The following GPM6B variants were observed in gnomAD, a reference collection of about 807,000 sequenced individuals.
The protein encoded by GPM6B is glycoprotein M6B, also known as neuronal membrane glycoprotein M6-b.
GPM6B carries 4 observed loss-of-function variants against 27.2 expected under a neutral mutation model. The ratio of observed to expected loss-of-function variants is 0.15; its 90% CI spans 0.07 to 0.34. The LOEUF (loss-of-function observed/expected upper bound fraction) is 0.34. Ranked by LOEUF, GPM6B falls within the 10% of genes least tolerant of loss-of-function variation. The pLI, the probability that GPM6B is intolerant of heterozygous loss-of-function variation, is 1.00. For missense variants in GPM6B, 183 were observed against 261.9 expected (o/e 0.70, Z 2.08); for synonymous variants, 124 against 103.1 (o/e 1.20, Z -1.23).
chrX:13,837,497 C>A (rs746381308), intron 1 of GPM6B, among the ~76,000 whole-genome samples: 15 of 111,497 alleles, frequency 1.3e-4, no homozygotes, highest in Admixed American at 3.8e-4. Context: ...TCACGGGTGA[C>A]TGGAGGTGCC....
At chrX:13,896,948 T>C (rs912104362) in intron 1 of GPM6B, among the ~76,000 whole-genome samples, 1 of 108,927 alleles carries the variant, frequency 9.2e-6, no homozygotes. Context: ...TTTTAAAAAT[T>C]AAATAAGAGA....
intron 1 of GPM6B, among the ~76,000 whole-genome samples, chrX:13,843,616 T>C (rs184027871): frequency 4.4e-5 from 5 of 112,627 alleles, no homozygotes; most frequent in African/African-American, 1.6e-4. Flanking sequence ...ATTTACTGTC[T>C]TTTGATTTCA....
At position 13,855,122 on chromosome X, in the gene GPM6B, G is replaced by A. The variant is rs190747328; in HGVS notation, c.-197-69314C>T. On this transcript the variant is annotated intron_variant, in intron 1 of 6. Coordinates refer to the GPM6B transcript ENST00000398361. ...CAACCTCCACCTCCCAGGTTCAAGC[G>A]ATTCTCCTGCCTCAGCCTCCCAAGC... 6.2e-3 allele frequency among the ~76,000 whole-genome samples: 675 copies of A among 109,680 alleles called. 4 individuals are homozygous for A. The highest frequency in any genetic ancestry group is 0.021 in the African/African-American group (635 of 30,100).
chrX:13,931,473 G>C, intron 1 of GPM6B, among the ~76,000 whole-genome samples: 1 of 108,538 alleles, frequency 9.2e-6, no homozygotes, highest in Non-Finnish European at 1.9e-5. Context: ...GGGCTACAGA[G>C]TGAGACTCCT....
At chrX:13,926,783 C>T (rs929070157) in intron 1 of GPM6B, among the ~76,000 whole-genome samples, 1 of 111,840 alleles carries the variant, frequency 8.9e-6, no homozygotes, top group Admixed American at 9.5e-5. Context: ...AAGTGAAAAG[C>T]GTGATTTTAG....
At chrX:13,798,121 T>C (rs1410337969) in intron 2 of GPM6B, among the ~76,000 whole-genome samples, 1 of 110,892 alleles carries the variant, frequency 9.0e-6, no homozygotes, top group African/African-American at 3.3e-5. Flanking sequence ...TGCATATCAA[T>C]TACACCACAA....
intron 1 of GPM6B, among the ~76,000 whole-genome samples, chrX:13,916,583 G>A (rs1029860989): frequency 9.9e-5 from 11 of 110,623 alleles, no homozygotes; most frequent in Non-Finnish European, 1.5e-4. Flanking sequence ...AGGCACCCAC[G>A]CCAAGCTATT....
chrX:13,938,440 G>A, upstream of GPM6B: 1 of 672,965 alleles, frequency 1.5e-6, no homozygotes, highest in Non-Finnish European at 1.9e-6. Flanking sequence ...ACCCTCGGAA[G>A]GGCGCGCCCT....
At chrX:13,785,545 C>G (rs1472199413) in intron 3 of GPM6B, 77 bp downstream of exon 3, 2 of 1,009,596 alleles carry the variant, frequency 2.0e-6, no homozygotes, top group Non-Finnish European at 2.8e-6. Flanking sequence ...GCCTCAGCCT[C>G]CCAAATTGCT....
At chrX:13,855,364 T>C (rs1453122543) in intron 1 of GPM6B, among the ~76,000 whole-genome samples, 2 of 112,232 alleles carry the variant, frequency 1.8e-5, no homozygotes, top group Non-Finnish European at 3.8e-5. Flanking sequence ...TTTCGACTTT[T>C]ATATAGATAG....
intron 1 of GPM6B, among the ~76,000 whole-genome samples, chrX:13,914,394 G>A (rs939838180): frequency 2.7e-5 from 3 of 112,134 alleles, no homozygotes; most frequent in Non-Finnish European, 5.6e-5. Context: ...ACCAAGTTCC[G>A]GCTACTGGGA....
intron 1 of GPM6B, among the ~76,000 whole-genome samples, chrX:13,837,652 T>A (rs778575960): frequency 1.0e-5 from 1 of 95,513 alleles, no homozygotes; most frequent in Admixed American, 1.2e-4. Flanking sequence ...CAAATTAGCA[T>A]ATTCCCCCCC....
chrX:13,889,029 G>A (rs1349077572), intron 1 of GPM6B: 1 of 111,380 alleles, frequency 9.0e-6, no homozygotes, highest in Admixed American at 9.5e-5. Flanking sequence ...GTTACACGGT[G>A]GTTTTCCGTC....
At chrX:13,899,064 G>A (rs929292373) in intron 1 of GPM6B, among the ~76,000 whole-genome samples, 2 of 111,501 alleles carry the variant, frequency 1.8e-5, no homozygotes, top group Admixed American at 1.9e-4. Flanking sequence ...TGCATATAAA[G>A]CACAAATATA....
chrX:13,803,735 C>CT (rs1262339504), intron 2 of GPM6B, among the ~76,000 whole-genome samples: 8 of 111,897 alleles, frequency 7.1e-5, no homozygotes, highest in Non-Finnish European at 1.1e-4. Flanking sequence ...CCATCAACTA[C>CT]TTTCTCCTCT....
At chrX:13,859,704 A>G (rs2049821403) in intron 1 of GPM6B, among the ~76,000 whole-genome samples, 1 of 111,701 alleles carries the variant, frequency 9.0e-6, no homozygotes, top group South Asian at 3.8e-4. Flanking sequence ...TTATACAGCT[A>G]GGAAGTGGAG....
intron 2 of GPM6B, among the ~76,000 whole-genome samples, chrX:13,796,891 T>G (rs1338271940): frequency 8.9e-6 from 1 of 112,266 alleles, no homozygotes; most frequent in African/African-American, 3.2e-5. Context: ...GTCTCTTCCT[T>G]TGCCTTTTGT....
In GPM6B at chrX:13,771,251, G is replaced by A. The variant is rs760832328; in HGVS notation, c.*1630C>T. On this transcript the variant is annotated 3_prime_UTR_variant, in exon 8 of 8. Transcript: ENST00000316715. The stretch of plus-strand genomic sequence containing the variant: ...AAAGTAAAATTAGGCTTTAGACACT[G>A]CCTCTTCTAGAACACTGGACTCTGA... 4 of 111,670 alleles carry A rather than the reference G, an allele frequency of 3.6e-5. No homozygotes were observed. In the South Asian group the frequency reaches 1.5e-3, roughly 42 times the overall value. 9.2% of individuals were successfully genotyped at this position (111,670 alleles called of 1,213,427 possible).
At chrX:13,938,630 GGCTGC>G (rs1034420516), upstream of GPM6B, 3 of 338,982 alleles carry the variant, frequency 8.9e-6, no homozygotes, top group Non-Finnish European at 9.5e-6. Flanking sequence ...GGCTTCTGCG[GGCTGC>G]GCTGCGCTGC....
Sources: gnomAD v4.1 joint callset for allele counts (sites outside exome capture counted in the v4.1 genomes callset) on GRCh38, gnomAD v4.1.1 for gene constraint, MANE v1.5 for transcripts, NCBI Gene and HGNC (gene_info 2026-07-23, HGNC 2026-07-21) for gene names.